MGAT4C: variants seen among roughly 807,000 people sequenced by gnomAD.
The protein encoded by MGAT4C is alpha-1,3-mannosyl-glycoprotein 4-beta-N-acetylglucosaminyltransferase C.
MGAT4C carries 19 observed loss-of-function variants against 40.1 expected under a neutral mutation model. The observed-to-expected ratio is 0.47, with a 90% CI of 0.33 to 0.70. MGAT4C has a LOEUF of 0.70. Among genes scored for constraint, MGAT4C ranks in the 30% least tolerant of loss-of-function variants. The pLI is 0.02. For synonymous variants in MGAT4C, 181 were observed against 187.1 expected, an observed-to-expected ratio of 0.97 and a Z score of 0.27; for missense variants, 491 against 563.2, an observed-to-expected ratio of 0.87 and a Z score of 1.30.
rs555183930 is a variant in MGAT4C, at chr12:86,271,853, A to G, written c.-57+62212T>C. Among the ~76,000 whole-genome samples, 3 of 152,320 alleles carry G rather than the reference A, an allele frequency of 2.0e-5. No homozygotes were observed. The South Asian group carries it at 6.2e-4, about 32-fold the overall frequency. On this transcript the variant is annotated intron_variant, in intron 4 of 7. Coordinates refer to the MGAT4C transcript ENST00000548651. Reference sequence around the variant, plus strand: ...ATGGAATCCTGTCATTTGCAGCAACAAGGATAGAACTGGGAGGTCATTATC... The same window carrying G: ...ATGGAATCCTGTCATTTGCAGCAACGAGGATAGAACTGGGAGGTCATTATC...
chr12:86,340,150 T>C (rs1181737259), intron 3 of MGAT4C, among the ~76,000 whole-genome samples: 1 of 152,228 alleles, frequency 6.6e-6, no homozygotes, highest in Non-Finnish European at 1.5e-5. Context: ...TTTTGCTTCA[T>C]GTGCTTTTAT....
chr12:86,172,436 C>T (rs974290189), intron 1 of MGAT4C, among the ~76,000 whole-genome samples: 1 of 151,768 alleles, frequency 6.6e-6, no homozygotes, highest in African/African-American at 2.4e-5. Context: ...TACTGTATAC[C>T]AGGTCTTCTG....
chr12:86,072,668 G>A (rs12313241), intron 1 of MGAT4C, among the ~76,000 whole-genome samples: 3,630 of 152,172 alleles, frequency 0.024, 50 homozygotes, highest in Middle Eastern at 0.038. Flanking sequence ...GATGGAGAGC[G>A]AAACAGAGTG....
At chr12:86,105,538 C>A (rs1012983532) in intron 1 of MGAT4C, among the ~76,000 whole-genome samples, 4 of 152,130 alleles carry the variant, frequency 2.6e-5, no homozygotes, top group Admixed American at 2.0e-4. Flanking sequence ...ATCTATCTCA[C>A]GTTTCCTATA....
Position 85,979,325 on chromosome 12 carries a change from C to G in MGAT4C, c.1401G>C (p.Trp467Cys). 1 of 1,607,396 alleles carries G rather than the reference C, an allele frequency of 6.2e-7. No homozygotes were observed. The highest frequency in any genetic ancestry group is 8.5e-7 in the Non-Finnish European group (1 of 1,175,860). Residue 467 changes from tryptophan to cysteine, a missense_variant, in exon 5 of 5, where the codon TGG (tryptophan) becomes TGC (cysteine). Transcript: ENST00000611864. The part of the protein sequence containing the change: ...RIYVTKTQKE[W>C]LIIRSISIWT... ...AAATGCTAATACTCCTAATAATTAG[C>G]CATTCCTTTTGTGTTTTGGTGACAT...
intron 2 of MGAT4C, among the ~76,000 whole-genome samples, chr12:86,580,664 C>G (rs1173089100): frequency 6.6e-6 from 1 of 151,340 alleles, no homozygotes; most frequent in Non-Finnish European, 1.5e-5. Flanking sequence ...TTCTTCAAAC[C>G]TTGCATCTTT....
At chr12:86,157,418 A>T (rs1194550995) in intron 1 of MGAT4C, among the ~76,000 whole-genome samples, 1 of 152,184 alleles carries the variant, frequency 6.6e-6, no homozygotes, top group Non-Finnish European at 1.5e-5. Context: ...CTTAAAGAAC[A>T]TATTATGTAA....
At chr12:86,617,021 A>G (rs892549553) in intron 2 of MGAT4C, among the ~76,000 whole-genome samples, 7 of 152,216 alleles carry the variant, frequency 4.6e-5, no homozygotes, top group African/African-American at 7.2e-5. Flanking sequence ...TTTAGCAATT[A>G]AAATACATTG....
chr12:86,537,893 G>T (rs189593896), intron 2 of MGAT4C, among the ~76,000 whole-genome samples: 8 of 152,032 alleles, frequency 5.3e-5, no homozygotes, highest in African/African-American at 1.9e-4. Flanking sequence ...TCAAGACCAG[G>T]CTGGCCAACA....
chr12:86,291,137 T>G (rs1009487473), intron 4 of MGAT4C, among the ~76,000 whole-genome samples: 1 of 152,128 alleles, frequency 6.6e-6, no homozygotes, highest in Non-Finnish European at 1.5e-5. Flanking sequence ...GACAGCAAGA[T>G]AGCAAAGAAA....
intron 2 of MGAT4C, among the ~76,000 whole-genome samples, chr12:86,703,241 C>T (rs1192282680): frequency 6.6e-6 from 1 of 152,006 alleles, no homozygotes; most frequent in Non-Finnish European, 1.5e-5. Flanking sequence ...TTCAAATTGA[C>T]AACAAAAAAT....
chr12:86,817,915 T>G (rs1456049603), intron 1 of MGAT4C, among the ~76,000 whole-genome samples: 4 of 151,390 alleles, frequency 2.6e-5, no homozygotes, highest in Non-Finnish European at 5.9e-5. Context: ...TTGAACTGGT[T>G]CCTTCCAGAA....
chr12:86,456,965 T>C (rs535823288), intron 2 of MGAT4C, among the ~76,000 whole-genome samples: 5 of 152,182 alleles, frequency 3.3e-5, no homozygotes, highest in African/African-American at 1.2e-4. Flanking sequence ...CCAGGGAGCA[T>C]TTTCAAAAGC....
intron 1 of MGAT4C, among the ~76,000 whole-genome samples, chr12:86,212,593 T>C (rs888078699): frequency 6.6e-6 from 1 of 151,730 alleles, no homozygotes; most frequent in Non-Finnish European, 1.5e-5. Flanking sequence ...AACAAAGGTA[T>C]AAAGAACACT....
At position 86,819,195 on chromosome 12, in the gene MGAT4C, T is replaced by C. The variant is rs374282322; in HGVS notation, c.-262+19471A>G. On this transcript the variant is annotated intron_variant, in intron 1 of 7. Transcript: ENST00000548651. ...AAAGAAGTCAATTATTATATCTCAG[T>C]TTCTTAAGTATCATCATCATCAACT... Among the ~76,000 whole-genome samples the C allele has an allele frequency of 2.0e-5, 3 of 151,000 alleles. No homozygotes were observed. In the East Asian group the frequency reaches 5.8e-4, roughly 29 times the overall value.
At chr12:86,639,187 AT>A (rs1339059301) in intron 2 of MGAT4C, among the ~76,000 whole-genome samples, 1 of 151,696 alleles carries the variant, frequency 6.6e-6, no homozygotes, top group Non-Finnish European at 1.5e-5. Flanking sequence ...GCACAATGAT[AT>A]TTTTGTTTCT....
At position 86,702,697 on chromosome 12, in the gene MGAT4C, T is replaced by C. The variant is rs888486674; in HGVS notation, c.-229+24512A>G. 1.4e-4 allele frequency among the ~76,000 whole-genome samples: 22 copies of C among 152,298 alleles called. No homozygotes were observed. In the East Asian group the frequency reaches 4.3e-3, roughly 29 times the overall value. ...AGAAAAAGAGATTCCTTTCAAAATA[T>C]TACTGCTCATTGACAATGTTCCTGG... On this transcript the variant is annotated intron_variant, in intron 2 of 7. Transcript: ENST00000548651.
intron 1 of MGAT4C, among the ~76,000 whole-genome samples, chr12:86,121,389 C>T (rs1336667811): frequency 6.6e-6 from 1 of 152,088 alleles, no homozygotes; most frequent in Non-Finnish European, 1.5e-5. Context: ...TCAGGAAATA[C>T]AGAGAACACC....
chr12:86,698,819 C>T (rs941882870), intron 2 of MGAT4C, among the ~76,000 whole-genome samples: 78 of 152,184 alleles, frequency 5.1e-4, no homozygotes, highest in African/African-American at 1.7e-3. Flanking sequence ...AAATTGAACT[C>T]TAACAGATTG....
Sources: gnomAD v4.1 joint callset for allele counts (sites outside exome capture counted in the v4.1 genomes callset) on GRCh38, gnomAD v4.1.1 for gene constraint, MANE v1.5 for transcripts, NCBI Gene and HGNC (gene_info 2026-07-23, HGNC 2026-07-21) for gene names.